TRPC4: variants seen among roughly 807,000 people sequenced by gnomAD.
TRPC4 encodes the protein short transient receptor potential channel 4.
A neutral mutation model predicts 99.4 loss-of-function variants in TRPC4; 49 were observed. The observed-to-expected ratio is 0.49, with a 90% confidence interval of 0.39 to 0.63. The LOEUF is 0.63. TRPC4 is among the 20% of genes least tolerant of loss of function. The pLI is 0.00. For missense variants in TRPC4, 898 were observed against 1,152.9 expected (o/e 0.78, Z 3.20); for synonymous variants, 454 against 425.9 (o/e 1.07, Z -0.81).
chr13:37,764,411 T>C (rs1025368004), intron 2 of TRPC4, among the ~76,000 whole-genome samples: 16 of 150,984 alleles, frequency 1.1e-4, no homozygotes, highest in African/African-American at 3.4e-4. Context: ...CTAAAATTCA[T>C]TTGAATTTTA....
rs1022155294 is a variant in TRPC4, at chr13:37,783,008, A to G, written c.326T>C (p.Val109Ala). The G allele has an allele frequency of 8.1e-6, 13 of 1,607,226 alleles. No homozygotes were observed. The highest frequency in any genetic ancestry group is 1.0e-5 in the Non-Finnish European group (12 of 1,176,794). Reference protein sequence around the residue: ...ALLHAIRKEVVGAVELLLNHK... With the variant: ...ALLHAIRKEVAGAVELLLNHK... ...GTTCAATAACAGCTCAACAGCTCCG[A>G]CGACTTCTTTTCTGATAGCATGTAA... Residue 109 changes from valine (V) to alanine (A), a missense_variant, in exon 2 of 11, where the codon GTC (valine) becomes GCC (alanine). Physicochemically the swap from Val to Ala is moderately conservative, Grantham distance 64 (BLOSUM62 0). Coordinates refer to ENST00000379705, the MANE Select transcript of TRPC4 (RefSeq NM_016179.4).
chr13:37,753,211 G>A (rs1364252504), intron 2 of TRPC4, among the ~76,000 whole-genome samples: 1 of 151,932 alleles, frequency 6.6e-6, no homozygotes, highest in Non-Finnish European at 1.5e-5. Context: ...AGACATGAGA[G>A]ATACATTTAT....
intron 4 of TRPC4, among the ~76,000 whole-genome samples, chr13:37,681,294 C>T (rs1283494595): frequency 6.6e-6 from 1 of 152,140 alleles, no homozygotes; most frequent in African/African-American, 2.4e-5. Flanking sequence ...CTTGACCACC[C>T]AAAATCTTAC....
chr13:37,639,316 C>A lies in TRPC4; in HGVS notation c.2080-17G>T, dbSNP rs1452967886. ...AGCTCGCCTCTGAAAAGGAAAAGGA[C>A]ATTCCTTTCTGGTTATACTGTTATA... On this transcript the variant is annotated splice_polypyrimidine_tract_variant and intron_variant, in intron 8 of 10. Transcript: ENST00000379705. The A allele has an allele frequency of 1.2e-6, 2 of 1,612,150 alleles. No individual in the cohort carries two copies. Among genetic ancestry groups the A allele is most frequent in the Non-Finnish European group, 1.7e-6 (2 of 1,178,510 alleles).
chr13:37,676,915 A>ATG (rs199793012), intron 4 of TRPC4, among the ~76,000 whole-genome samples: 28 of 132,692 alleles, frequency 2.1e-4, no homozygotes, highest in East Asian at 8.1e-4. Context: ...ATGTCCAGAA[A>ATG]TGTGTGTGTA....
At chr13:37,841,774 T>C (rs1449328046) in intron 1 of TRPC4, among the ~76,000 whole-genome samples, 2 of 152,058 alleles carry the variant, frequency 1.3e-5, no homozygotes, top group Non-Finnish European at 2.9e-5. Context: ...ACTAAATCAT[T>C]CATGCATTGT....
rs1391722242 is a variant in TRPC4 at position 37,634,202 on chromosome 13, G to A, written c.*2701C>T. 2.0e-5 allele frequency among the ~76,000 whole-genome samples: 3 copies of A among 151,920 alleles called. No individual in the cohort carries two copies. Among genetic ancestry groups the A allele is most frequent in the African/African-American group, 4.8e-5 (2 of 41,376 alleles). ...TGTGGATAGAAATATGAATAGAAAC[G>A]AACACCCTGAAGTACGCACTTACAA... On this transcript the variant is annotated 3_prime_UTR_variant, in exon 11 of 11. Transcript: ENST00000379705.
chr13:37,767,248 C>T (rs1415674295), intron 2 of TRPC4, among the ~76,000 whole-genome samples: 3 of 150,766 alleles, frequency 2.0e-5, no homozygotes, highest in Admixed American at 6.7e-5. Flanking sequence ...GCTGTATATT[C>T]TATTGCTTAA....
Position 37,659,335 on chromosome 13 carries a change from C to T in TRPC4, c.1689-4052G>A, listed in dbSNP as rs555356391. On this transcript the variant is annotated intron_variant, in intron 6 of 10. Coordinates refer to ENST00000379705, the MANE Select transcript of TRPC4 (RefSeq NM_016179.4). ...TCCTTCCTCTTTCCCCCTGTGATGC[C>T]TGCTTCCCTTCACTCTTTTGCCATG... Among the ~76,000 whole-genome samples the T allele has an allele frequency of 1.9e-4, 29 of 152,268 alleles. No individual in the cohort carries two copies. The South Asian group carries it at 6.0e-3, about 32-fold the overall frequency.
Sources: gnomAD v4.1 joint callset for allele counts (sites outside exome capture counted in the v4.1 genomes callset) on GRCh38, gnomAD v4.1.1 for gene constraint, MANE v1.5 for transcripts, NCBI Gene and HGNC (gene_info 2026-07-23, HGNC 2026-07-21) for gene names.